Variants in SV2C observed in about 807,000 individuals in gnomAD.
SV2C encodes synaptic vesicle glycoprotein 2C.
In SV2C, 49 loss-of-function variants were observed where a neutral mutation model predicts 79.7. The observed-to-expected ratio is 0.61, with a 90% CI of 0.49 to 0.78. SV2C has a LOEUF of 0.78. SV2C is among the 30% of genes least tolerant of loss of function. The pLI is 0.00. For missense variants in SV2C, 833 were observed against 912.9 expected, an observed-to-expected ratio of 0.91 and a Z score of 1.13; for synonymous variants, 334 against 333.2, an observed-to-expected ratio of 1.00 and a Z score of -0.03.
the SV2C span, among the ~76,000 whole-genome samples, chr5:75,918,778 G>T: frequency 6.6e-6 from 1 of 152,206 alleles, no homozygotes; most frequent in Admixed American, 6.5e-5. Context: ...GATAACAAGA[G>T]GGAAGAAGAG....
At chr5:75,878,026 T>C in the SV2C span, among the ~76,000 whole-genome samples, 2 of 151,844 alleles carry the variant, frequency 1.3e-5, no homozygotes, top group African/African-American at 2.4e-5. Flanking sequence ...TCTGTAAATA[T>C]AACAAAAACC....
At chr5:76,088,983 A>C (rs1366047494) in intron 1 of SV2C, among the ~76,000 whole-genome samples, 1 of 152,186 alleles carries the variant, frequency 6.6e-6, no homozygotes, top group Non-Finnish European at 1.5e-5. Flanking sequence ...TGAATTAATG[A>C]CCTGTTGGAG....
the SV2C span, among the ~76,000 whole-genome samples, chr5:75,894,787 C>T: frequency 6.6e-6 from 1 of 151,822 alleles, no homozygotes; most frequent in Non-Finnish European, 1.5e-5. Context: ...TTAAAAAGGT[C>T]CTGCACATTC....
At chr5:76,025,345 C>T in the SV2C span, among the ~76,000 whole-genome samples, 1 of 152,054 alleles carries the variant, frequency 6.6e-6, no homozygotes. Flanking sequence ...TGAGGAGGTG[C>T]AAAGCTAGTC....
chr5:76,205,453 G>A (rs774368473), intron 3 of SV2C, among the ~76,000 whole-genome samples: 10 of 151,906 alleles, frequency 6.6e-5, no homozygotes, highest in Non-Finnish European at 1.2e-4. Flanking sequence ...TATTACCAAG[G>A]ATAATTAAGA....
chr5:75,911,501 G>A, the SV2C span: 1 of 753,060 alleles, frequency 1.3e-6, no homozygotes, highest in Non-Finnish European at 2.3e-6. Flanking sequence ...TCTGGAGGGG[G>A]TTCAACCACT....
chr5:76,065,346 C>G, the SV2C span, among the ~76,000 whole-genome samples: 16 of 152,232 alleles, frequency 1.1e-4, no homozygotes, highest in Admixed American at 4.6e-4. Context: ...ATCAATACCT[C>G]GAGGCCAGAA....
intron 12 of SV2C, among the ~76,000 whole-genome samples, chr5:76,321,746 G>GAAA (rs5868820): frequency 7.5e-6 from 1 of 132,646 alleles, no homozygotes; most frequent in Non-Finnish European, 1.6e-5. Context: ...TATCATCTCT[G>GAAA]AAAAAAAAAA....
At chr5:76,216,462 G>A (rs765205393) in intron 4 of SV2C, among the ~76,000 whole-genome samples, 2 of 152,182 alleles carry the variant, frequency 1.3e-5, no homozygotes, top group African/African-American at 2.4e-5. Context: ...AAATGCCCTT[G>A]CCTCAAAAAT....
intron 3 of SV2C, among the ~76,000 whole-genome samples, chr5:76,203,095 C>A (rs566976902): frequency 3.3e-5 from 5 of 152,264 alleles, no homozygotes; most frequent in South Asian, 2.1e-4. Context: ...TCCCAGTATA[C>A]CCTTTAGCAA....
intron 4 of SV2C, among the ~76,000 whole-genome samples, chr5:76,265,217 C>G (rs1580001813): frequency 2.0e-5 from 3 of 152,178 alleles, no homozygotes; most frequent in African/African-American, 4.8e-5. Context: ...TGAGCTCCAC[C>G]CAGTCTGAAC....
chr5:75,907,359 C>T, the SV2C span, among the ~76,000 whole-genome samples: 2 of 152,156 alleles, frequency 1.3e-5, no homozygotes, highest in African/African-American at 4.8e-5. Context: ...ATTATGTCTT[C>T]AGTAAATGTT....
At chr5:76,213,503 C>A (rs1161142062) in intron 4 of SV2C, among the ~76,000 whole-genome samples, 1 of 152,068 alleles carries the variant, frequency 6.6e-6, no homozygotes, top group Non-Finnish European at 1.5e-5. Context: ...TCCCCCATAC[C>A]CTGAAAACAC....
intron 1 of SV2C, among the ~76,000 whole-genome samples, chr5:76,121,117 A>G (rs1748479291): frequency 1.3e-5 from 2 of 151,228 alleles, no homozygotes; most frequent in South Asian, 4.1e-4. Flanking sequence ...TCTGATGGCC[A>G]GTGATGATGA....
the SV2C span, among the ~76,000 whole-genome samples, chr5:75,952,836 G>A: frequency 3.3e-5 from 5 of 151,904 alleles, no homozygotes; most frequent in Admixed American, 3.3e-4. Flanking sequence ...TGGAAAAACC[G>A]GCTAATACAT....
At chr5:76,037,838 C>T in the SV2C span, among the ~76,000 whole-genome samples, 1 of 152,242 alleles carries the variant, frequency 6.6e-6, no homozygotes, top group Non-Finnish European at 1.5e-5. Context: ...CGCCCCTCCC[C>T]CAGCCTCGTT....
intron 4 of SV2C, among the ~76,000 whole-genome samples, chr5:76,232,905 T>C (rs1275666023): frequency 2.8e-5 from 4 of 143,214 alleles, no homozygotes; most frequent in South Asian, 2.1e-4. Flanking sequence ...TGGATTAGGA[T>C]TGACTTGGCG....
intron 2 of SV2C, among the ~76,000 whole-genome samples, chr5:76,155,259 A>G (rs1037398172): frequency 2.2e-4 from 33 of 152,172 alleles, no homozygotes; most frequent in African/African-American, 8.0e-4. Flanking sequence ...CCGAGATTTT[A>G]TTTTCCTTTC....
At chr5:76,183,040 T>TTC (rs1743799758) in intron 2 of SV2C, among the ~76,000 whole-genome samples, 1 of 145,168 alleles carries the variant, frequency 6.9e-6, no homozygotes, top group African/African-American at 2.6e-5. Flanking sequence ...ATTTTTTTTT[T>TTC]TTTTTTTTTT....
Sources: gnomAD v4.1 joint callset for allele counts (sites outside exome capture counted in the v4.1 genomes callset) on GRCh38, gnomAD v4.1.1 for gene constraint, MANE v1.5 for transcripts, NCBI Gene and HGNC (gene_info 2026-07-23, HGNC 2026-07-21) for gene names.